The following LRBA variants were observed in gnomAD, a reference collection of about 807,000 sequenced individuals.
LRBA encodes the protein lipopolysaccharide-responsive and beige-like anchor protein.
A neutral mutation model predicts 330.0 loss-of-function variants in LRBA; 176 were observed. The ratio of observed to expected loss-of-function variants is 0.53; its 90% CI spans 0.47 to 0.60. The LOEUF (loss-of-function observed/expected upper bound fraction) is 0.60, where lower values mean the gene tolerates loss of function less well. Among genes scored for constraint, LRBA ranks in the 20% least tolerant of loss-of-function variants. The probability of loss-of-function intolerance (pLI) is 0.00; values close to 1 mark genes in which losing one functional copy is unlikely to be tolerated. For missense variants in LRBA, 3,259 were observed against 3,444.8 expected (o/e 0.95, Z 1.35); for synonymous variants, 1,230 against 1,193.0 (o/e 1.03, Z -0.64).
chr4:151,009,129 C>G (rs1466055226), intron 2 of LRBA, among the ~76,000 whole-genome samples: 2 of 148,314 alleles, frequency 1.3e-5, no homozygotes, highest in African/African-American at 5.0e-5. Flanking sequence ...CTCAGCCTCC[C>G]AAACTGCTGG....
At chr4:150,926,880 G>A (rs1263850821) in intron 4 of LRBA, among the ~76,000 whole-genome samples, 1 of 151,954 alleles carries the variant, frequency 6.6e-6, no homozygotes. Flanking sequence ...AGACCATCCT[G>A]ACCAACACTG....
At chr4:150,341,215 G>T (rs990735681) in intron 48 of LRBA, among the ~76,000 whole-genome samples, 1 of 152,170 alleles carries the variant, frequency 6.6e-6, no homozygotes, top group Admixed American at 6.5e-5. Flanking sequence ...AGGCTAGAGT[G>T]CAGTGGTGTG....
intron 36 of LRBA, among the ~76,000 whole-genome samples, chr4:150,689,427 C>G (rs1281837443): frequency 1.3e-5 from 2 of 151,562 alleles, no homozygotes; most frequent in Non-Finnish European, 2.9e-5. Flanking sequence ...CCTGCACATT[C>G]TGCACATGTA....
chr4:150,695,480 G>A (rs1191358290), intron 36 of LRBA, among the ~76,000 whole-genome samples: 1 of 152,026 alleles, frequency 6.6e-6, no homozygotes, highest in Non-Finnish European at 1.5e-5. Flanking sequence ...ACATCACCAT[G>A]CCCAGCTAAT....
intron 36 of LRBA, among the ~76,000 whole-genome samples, chr4:150,717,358 A>G (rs768587156): frequency 5.9e-5 from 9 of 152,134 alleles, no homozygotes; most frequent in Non-Finnish European, 1.2e-4. Context: ...AAATCTTTGA[A>G]TTCTTCACCT....
intron 46 of LRBA, among the ~76,000 whole-genome samples, chr4:150,434,397 T>C (rs933523269): frequency 6.6e-6 from 1 of 152,254 alleles, no homozygotes; most frequent in African/African-American, 2.4e-5. Context: ...TTGTTTTTGC[T>C]TTATTAATAA....
intron 34 of LRBA, among the ~76,000 whole-genome samples, chr4:150,766,008 A>G (rs572602554): frequency 1.3e-5 from 2 of 152,216 alleles, no homozygotes; most frequent in African/African-American, 4.8e-5. Context: ...ACATGAAGGT[A>G]CATATATAAT....
At chr4:150,943,795 A>C (rs931206979) in intron 2 of LRBA, among the ~76,000 whole-genome samples, 2 of 152,230 alleles carry the variant, frequency 1.3e-5, no homozygotes, top group African/African-American at 4.8e-5. Context: ...CAGTCAGTCC[A>C]AAAGTCAAGC....
rs190586278 is a variant in LRBA, at chr4:150,908,800, A to G, written c.1219T>C (p.Leu407=). 8.3e-5 allele frequency: 134 copies of G among 1,613,882 alleles called. No homozygotes were observed. Among genetic ancestry groups the G allele is most frequent in the Middle Eastern group, 1.7e-4 (1 of 6,058 alleles). Residue 407 remains leucine (L), a synonymous_variant, in exon 10 of 57, where the codon TTA becomes CTA. Transcript: ENST00000651943. The stretch of plus-strand genomic sequence containing the variant: ...CTAGAGAGTTTCCCATCGTACAATA[A>G]AAGTTTGTGATGCTCAGCAAGGAAA... The part of the protein sequence containing the change: ...DLFLAEHHKL[L]LYDGKLSSAI...
chr4:151,010,600 G>C (rs1246800253), intron 2 of LRBA, among the ~76,000 whole-genome samples: 2 of 152,150 alleles, frequency 1.3e-5, no homozygotes, highest in Non-Finnish European at 2.9e-5. Context: ...AAAACTCTGG[G>C]CCAGGCACGG....
At chr4:150,858,920 T>C (rs1751552149) in intron 22 of LRBA, among the ~76,000 whole-genome samples, 1 of 152,174 alleles carries the variant, frequency 6.6e-6, no homozygotes, top group Non-Finnish European at 1.5e-5. Context: ...CCAGTTCATA[T>C]CTTATGATTT....
At chr4:150,595,345 A>C (rs554112285) in intron 38 of LRBA, among the ~76,000 whole-genome samples, 1 of 152,108 alleles carries the variant, frequency 6.6e-6, no homozygotes, top group South Asian at 2.1e-4. Context: ...GATCCTAAAA[A>C]GGAAGCAACA....
chr4:150,778,945 C>G (rs1473797791), intron 34 of LRBA, among the ~76,000 whole-genome samples: 1 of 152,110 alleles, frequency 6.6e-6, no homozygotes, highest in Non-Finnish European at 1.5e-5. Flanking sequence ...TATAAAACAG[C>G]TAATTATTTT....
chr4:150,334,980 C>T (rs1348133430), intron 48 of LRBA, among the ~76,000 whole-genome samples: 1 of 151,662 alleles, frequency 6.6e-6, no homozygotes, highest in Non-Finnish European at 1.5e-5. Context: ...CAGGTATGCA[C>T]CACCACACCT....
intron 36 of LRBA, among the ~76,000 whole-genome samples, chr4:150,706,420 A>C (rs1561536038): frequency 6.6e-6 from 1 of 151,804 alleles, no homozygotes; most frequent in Non-Finnish European, 1.5e-5. Context: ...AAATTGAATT[A>C]ATAACACAAT....
intron 37 of LRBA, among the ~76,000 whole-genome samples, chr4:150,650,792 C>CA (rs532269692): frequency 3.4e-5 from 5 of 145,402 alleles, no homozygotes; most frequent in East Asian, 2.0e-4. Context: ...ACAAAAAGAC[C>CA]AAAAAAAAAA....
At chr4:150,911,845 T>A (rs1008136285) in intron 9 of LRBA, among the ~76,000 whole-genome samples, 2 of 152,176 alleles carry the variant, frequency 1.3e-5, no homozygotes, top group African/African-American at 4.8e-5. Context: ...TGAAAAGTTT[T>A]TTATTATTGA....
intron 44 of LRBA, among the ~76,000 whole-genome samples, chr4:150,446,814 CT>C (rs1752671277): frequency 6.6e-6 from 1 of 152,150 alleles, no homozygotes; most frequent in South Asian, 2.1e-4. Context: ...TAAAATTTAC[CT>C]TATTTCTCTG....
chr4:150,312,906 T>C lies in LRBA; in HGVS notation c.7694-2522A>G, dbSNP rs532072099. ...GTTCCATCTATAAAAACAAGTAAGATAGACCTGCTGATGATGTATTTTTAA... is the reference window on the plus strand; with the variant it reads ...GTTCCATCTATAAAAACAAGTAAGACAGACCTGCTGATGATGTATTTTTAA... On this transcript the variant is annotated intron_variant, in intron 51 of 56. Coordinates refer to ENST00000651943, the MANE Select transcript of LRBA (RefSeq NM_001364905.1). Among the ~76,000 whole-genome samples, 23 of 152,144 alleles carry C rather than the reference T, an allele frequency of 1.5e-4. No individual in the cohort carries two copies. In the South Asian group the frequency reaches 4.6e-3, roughly 30 times the overall value.
Sources: gnomAD v4.1 joint callset for allele counts (sites outside exome capture counted in the v4.1 genomes callset) on GRCh38, gnomAD v4.1.1 for gene constraint, MANE v1.5 for transcripts, NCBI Gene and HGNC (gene_info 2026-07-23, HGNC 2026-07-21) for gene names.